The following HEXA variants were observed in gnomAD, a reference collection of about 807,000 sequenced individuals.
HEXA encodes hexosaminidase subunit alpha, also known as beta-hexosaminidase subunit alpha.
Under a neutral mutation model 73.3 loss-of-function variants are expected in HEXA, and 54 were observed. That is an observed-to-expected ratio of 0.74 (90% CI 0.59 to 0.92). The LOEUF is 0.92. Ranked by LOEUF, HEXA falls within the 40% of genes least tolerant of loss-of-function variation. The pLI, the probability that HEXA is intolerant of heterozygous loss-of-function variation, is 0.00. For synonymous variants in HEXA, 230 were observed against 246.9 expected (o/e 0.93, Z 0.64); for missense variants, 649 against 653.0 (o/e 0.99, Z 0.07).
Position 72,355,553 on chromosome 15 carries a change from T to G in HEXA, c.412+6A>C, listed in dbSNP as rs202061591. The G allele has an allele frequency of 6.3e-7, 1 of 1,590,380 alleles. No individual in the cohort carries two copies. The highest frequency in any genetic ancestry group is 1.3e-5 in the African/African-American group (1 of 74,558). On this transcript the variant is annotated splice_donor_region_variant and intron_variant, in intron 3 of 13. Coordinates refer to ENST00000268097, the MANE Select transcript of HEXA (RefSeq NM_000520.6). ...CTCTCTCTTTTAATCAGCCCCAATT[T>G]GTTACCTCGGAGAGCTCCCCAGACA...
intron 2 of HEXA, chr15:72,355,976 C>G (rs144678883): frequency 2.1e-6 from 1 of 473,750 alleles, no homozygotes; most frequent in South Asian, 1.5e-5. Flanking sequence ...AACAGGGATG[C>G]CTGCAGGGGT....
chr15:72,354,586 G>C (rs2088747807), intron 3 of HEXA: 1 of 152,360 alleles, frequency 6.6e-6, no homozygotes, highest in African/African-American at 2.4e-5. Context: ...CTGACACCCA[G>C]CATTCTGGAG....
At chr15:72,356,406 G>T in intron 2 of HEXA, 119 bp downstream of exon 2, 2 of 1,054,484 alleles carry the variant, frequency 1.9e-6, no homozygotes, top group African/African-American at 1.6e-5. Context: ...GGTGACCCTC[G>T]GTCCCCAGGG....
At position 72,355,828 on chromosome 15, in the gene HEXA, C is replaced by A. The variant is rs1331977124; in HGVS notation, c.347-204G>T. Reference sequence around the variant, plus strand: ...TGGGGCCAGAGTGGGAGGGTGGTCACCACAGTGACTCTGTAGACCCTGGAT... The same window carrying A: ...TGGGGCCAGAGTGGGAGGGTGGTCAACACAGTGACTCTGTAGACCCTGGAT... On this transcript the variant is annotated intron_variant, in intron 2 of 13. Transcript: ENST00000268097. 6.5e-6 allele frequency: 4 copies of A among 617,690 alleles called. No homozygotes were observed. The African/African-American group carries it at 7.2e-5, about 11-fold the overall frequency. 38.3% of individuals were successfully genotyped at this position (617,690 alleles called of 1,614,324 possible).
chr15:72,354,457 T>G (rs1040439555), intron 3 of HEXA: 1 of 152,284 alleles, frequency 6.6e-6, no homozygotes, highest in Non-Finnish European at 1.5e-5. Context: ...AGAAGCCCCA[T>G]GAAAATTATC....
rs189969572 is a variant in HEXA at position 72,356,792 on chromosome 15, G to A, written c.254-175C>T. ...TCATCTGTTCAGCTGTCTCACTCTC[G>A]TTGTGCCCCTCTTCTCCTCAGTAGC... On this transcript the variant is annotated intron_variant, in intron 1 of 13. Coordinates refer to ENST00000268097, the MANE Select transcript of HEXA (RefSeq NM_000520.6). The A allele has an allele frequency of 1.2e-3, 1,073 of 920,804 alleles. 9 individuals carry two copies. The highest frequency in any genetic ancestry group is 2.7e-4 in the Non-Finnish European group (157 of 589,410). 57.0% of individuals were successfully genotyped at this position (920,804 alleles called of 1,614,324 possible). A position where few individuals can be genotyped will look rare whatever the true frequency, so the allele number is the denominator to read the frequency against.
intron 1 of HEXA, among the ~76,000 whole-genome samples, chr15:72,367,418 C>T (rs2088931855): frequency 6.6e-6 from 1 of 152,214 alleles, no homozygotes; most frequent in South Asian, 2.1e-4. Context: ...CCTCCTAAAT[C>T]TCTCTTCAGT....
At chr15:72,361,246 C>A (rs2088849693) in intron 1 of HEXA, among the ~76,000 whole-genome samples, 1 of 152,186 alleles carries the variant, frequency 6.6e-6, no homozygotes, top group Non-Finnish European at 1.5e-5. Context: ...CATCAGACAT[C>A]TCTGACCTTC....
At position 72,346,585 on chromosome 15, in the gene HEXA, A is replaced by G. The variant is rs1020151571; in HGVS notation, c.1272T>C (p.Arg424=). ...ALLSAPWYLN[R]ISYGPDWKDF... The stretch of plus-strand genomic sequence containing the variant: ...CCTTCCAGTCAGGGCCATAGGATAT[A>G]CGGTTCAGGTACCAGGGGGCAGAGA... Residue 424 remains arginine (R), a synonymous_variant, in exon 11 of 14, where the codon CGT becomes CGC. Coordinates refer to ENST00000268097, the MANE Select transcript of HEXA (RefSeq NM_000520.6). 11 of 1,614,052 alleles carry G rather than the reference A, an allele frequency of 6.8e-6. No individual in the cohort carries two copies. Among genetic ancestry groups the G allele is most frequent in the Non-Finnish European group, 9.3e-6 (11 of 1,179,984 alleles).
chr15:72,361,364 T>A (rs1029821546), intron 1 of HEXA, among the ~76,000 whole-genome samples: 1 of 152,204 alleles, frequency 6.6e-6, no homozygotes, highest in Non-Finnish European at 1.5e-5. Flanking sequence ...CCCAATGTAC[T>A]AATGTTACCC....
intron 1 of HEXA, among the ~76,000 whole-genome samples, chr15:72,375,199 C>T (rs2089045530): frequency 6.6e-6 from 1 of 152,038 alleles, no homozygotes; most frequent in African/African-American, 2.4e-5. Flanking sequence ...ACCGATTCTC[C>T]TGCCTCAGCA....
chr15:72,347,634 G>T, intron 10 of HEXA, 52 bp downstream of exon 10: 2 of 1,414,740 alleles, frequency 1.4e-6, no homozygotes, highest in South Asian at 1.2e-5. Context: ...GAGCTGGGGA[G>T]ACCAGAGGGA....
Position 72,343,855 on chromosome 15 carries a change from A to G in HEXA, c.*222T>C. On this transcript the variant is annotated 3_prime_UTR_variant, in exon 14 of 14. Transcript: ENST00000268097. ...GTGCCCTTACCCTAACGCCATTCAC[A>G]CTTTTTTTTTTAAACACAGGTAATC... is the stretch of plus-strand genomic sequence containing the variant. 1.9e-6 allele frequency: 1 copy of G among 515,382 alleles called. No homozygotes were observed. Among genetic ancestry groups the G allele is most frequent in the Non-Finnish European group, 3.5e-6 (1 of 282,616 alleles). 31.9% of individuals were successfully genotyped at this position (515,382 alleles called of 1,614,324 possible).
At chr15:72,345,259 C>T in intron 13 of HEXA, 187 bp downstream of exon 13, 1 of 1,131,556 alleles carries the variant, frequency 8.8e-7, no homozygotes, top group Non-Finnish European at 1.2e-6. Context: ...TTATTTGTAC[C>T]ATTTTTTGTT....
chr15:72,349,138 G>A lies in HEXA; in HGVS notation c.927C>T (p.Ser309=). Residue 309 remains serine (S), a synonymous_variant, in exon 8 of 14, where the codon AGC becomes AGT. Transcript: ENST00000268097. ...EFMSTFFLEV[S]SVFPDFYLHL... Reference sequence around the variant, plus strand: ...GAAGATAAAAATCTGGGAAGACAGAGCTGACTTCTAAGAAGAATGTGCTCA... The same window carrying A: ...GAAGATAAAAATCTGGGAAGACAGAACTGACTTCTAAGAAGAATGTGCTCA... 6.2e-7 allele frequency: 1 copy of A among 1,613,912 alleles called. No individual in the cohort carries two copies. The highest frequency in any genetic ancestry group is 8.5e-7 in the Non-Finnish European group (1 of 1,179,792).
chr15:72,350,720 G>GAGT, intron 6 of HEXA, 70 bp from the exon 7 acceptor site: 1 of 1,579,750 alleles, frequency 6.3e-7, no homozygotes, highest in Non-Finnish European at 8.7e-7. Context: ...TACTCAAAAT[G>GAGT]CCCACAAGAC....
chr15:72,369,546 T>C (rs2088961074), intron 1 of HEXA, among the ~76,000 whole-genome samples: 1 of 152,214 alleles, frequency 6.6e-6, no homozygotes, highest in South Asian at 2.1e-4. Flanking sequence ...GTTTGTTTGT[T>C]TGTTTGTTTG....
chr15:72,345,697 G>A (rs2088603730), intron 12 of HEXA, 147 bp from the exon 13 acceptor site: 2 of 1,370,500 alleles, frequency 1.5e-6, no homozygotes, highest in Non-Finnish European at 2.0e-6. Context: ...GCCACAGCCA[G>A]GTTGGATGGC....
intron 2 of HEXA, 89 bp from the exon 3 acceptor site, chr15:72,355,713 A>G (rs900817762): frequency 2.6e-5 from 10 of 388,178 alleles, no homozygotes; most frequent in East Asian, 6.4e-5. Context: ...TCACTGGACT[A>G]AAAAAAAAAA....
Sources: gnomAD v4.1 joint callset for allele counts (sites outside exome capture counted in the v4.1 genomes callset) on GRCh38, gnomAD v4.1.1 for gene constraint, MANE v1.5 for transcripts, NCBI Gene and HGNC (gene_info 2026-07-23, HGNC 2026-07-21) for gene names.